Variants in SS18L1 observed in about 807,000 individuals in gnomAD.
The protein encoded by SS18L1 is SS18L1 subunit of BAF chromatin remodeling complex.
SS18L1 carries 32 observed loss-of-function variants against 70.3 expected under a neutral mutation model. That is an observed-to-expected ratio of 0.46 (90% CI 0.34 to 0.61). The LOEUF is 0.61. Among genes scored for constraint, SS18L1 ranks in the 20% least tolerant of loss-of-function variants. The pLI, the probability that SS18L1 is intolerant of heterozygous loss-of-function variation, is 0.01. For synonymous variants in SS18L1, 237 were observed against 229.7 expected (o/e 1.03, Z -0.29); for missense variants, 430 against 542.1 (o/e 0.79, Z 2.05).
At chr20:62,176,825 G>A (rs2145791941) in intron 10 of SS18L1, among the ~76,000 whole-genome samples, 1 of 152,278 alleles carries the variant, frequency 6.6e-6, no homozygotes, top group East Asian at 1.9e-4. Flanking sequence ...GAGCAATGGG[G>A]AAGATAGAGA....
At chr20:62,162,546 C>T in intron 4 of SS18L1, 1 of 538,634 alleles carries the variant, frequency 1.9e-6, no homozygotes. Flanking sequence ...TCAGGTGATC[C>T]ACCCACCTCG....
At chr20:62,163,077 G>A in intron 5 of SS18L1, 146 bp downstream of exon 5, 1 of 1,090,536 alleles carries the variant, frequency 9.2e-7, no homozygotes, top group Non-Finnish European at 1.3e-6. Flanking sequence ...GCTGGCCGCT[G>A]CCTCTGAGAG....
chr20:62,149,067 G>T (rs1212993856), intron 1 of SS18L1, among the ~76,000 whole-genome samples: 1 of 152,252 alleles, frequency 6.6e-6, no homozygotes, highest in African/African-American at 2.4e-5. Context: ...TGGGCCAGTG[G>T]GTCGGGGCCT....
chr20:62,164,109 C>T (rs201843822), intron 6 of SS18L1, 36 bp from the exon 7 acceptor site: 42 of 1,533,612 alleles, frequency 2.7e-5, no homozygotes, highest in Admixed American at 1.6e-4. Flanking sequence ...GAGGAGGGCG[C>T]GGCCCGCACT....
intron 1 of SS18L1, among the ~76,000 whole-genome samples, chr20:62,148,562 C>T (rs1456369178): frequency 1.3e-5 from 2 of 150,364 alleles, no homozygotes; most frequent in Non-Finnish European, 3.0e-5. Context: ...TCCTTGCTGT[C>T]TTAGGTGAGG....
At chr20:62,148,804 C>G (rs1164943495) in intron 1 of SS18L1, among the ~76,000 whole-genome samples, 1 of 152,254 alleles carries the variant, frequency 6.6e-6, no homozygotes, top group East Asian at 1.9e-4. Context: ...TGAAGCTGCT[C>G]TCCCAACTCC....
chr20:62,144,329 G>C (rs1408753885), intron 1 of SS18L1, among the ~76,000 whole-genome samples: 1 of 152,206 alleles, frequency 6.6e-6, no homozygotes, highest in Non-Finnish European at 1.5e-5. Context: ...GCGACGGCGG[G>C]CGGTACTCGT....
chr20:62,155,357 A>C (rs2057203890), intron 1 of SS18L1, among the ~76,000 whole-genome samples: 1 of 152,190 alleles, frequency 6.6e-6, no homozygotes, highest in Non-Finnish European at 1.5e-5. Context: ...AGGTTGCAGT[A>C]AGCCAAGATC....
At position 62,174,854 on chromosome 20, in the gene SS18L1, C is replaced by T; in HGVS notation, c.1164+210C>T. On this transcript the variant is annotated intron_variant, in intron 10 of 10. Coordinates refer to ENST00000331758, the MANE Select transcript of SS18L1 (RefSeq NM_198935.3). This position sits in a 1 kb window ranked among gnomAD's most constrained non-coding sequence, Gnocchi z 4.1. ...CAGTCATCCAGCTGGCTTTTCATAC[C>T]CTAAGCTCACCGTTAGATCTGCACG... 1 of 1,442,892 alleles carries T rather than the reference C, an allele frequency of 6.9e-7. No homozygotes were observed. 89.4% of individuals were successfully genotyped at this position (1,442,892 alleles called of 1,614,324 possible).
At chr20:62,175,952 G>A (rs984103187) in intron 10 of SS18L1, among the ~76,000 whole-genome samples, 4 of 152,222 alleles carry the variant, frequency 2.6e-5, no homozygotes, top group African/African-American at 2.4e-5. Context: ...CGCAGGGGCC[G>A]CCTCTCCCCA....
At chr20:62,151,899 GATCCCCA>G (rs2057138341) in intron 1 of SS18L1, among the ~76,000 whole-genome samples, 2 of 118,862 alleles carry the variant, frequency 1.7e-5, no homozygotes, top group Non-Finnish European at 3.4e-5. Flanking sequence ...CTCTTTTCCC[GATCCCCA>G]GAGCTGGCCT....
Position 62,174,010 on chromosome 20 carries a change from C to G in SS18L1, c.1037-507C>G, listed in dbSNP as rs1211683353. On this transcript the variant is annotated intron_variant, in intron 9 of 10. Coordinates refer to ENST00000331758, the MANE Select transcript of SS18L1 (RefSeq NM_198935.3). This position sits in a 1 kb window ranked among gnomAD's most constrained non-coding sequence, Gnocchi z 4.1. ...GCCTGGCTTGGGTGACAGAGTGACA[C>G]CCTGCCTAAAAAAAAAAAAAAAAAT... Among the ~76,000 whole-genome samples, 1 of 149,760 alleles carries G rather than the reference C, an allele frequency of 6.7e-6. No homozygotes were observed. The highest frequency in any genetic ancestry group is 1.5e-5 in the Non-Finnish European group (1 of 67,558).
At chr20:62,152,777 G>A (rs1171431777) in intron 1 of SS18L1, among the ~76,000 whole-genome samples, 2 of 152,176 alleles carry the variant, frequency 1.3e-5, no homozygotes, top group South Asian at 2.1e-4. Context: ...AGATGATACC[G>A]TGAGTAAATG....
At chr20:62,162,060 A>G (rs2057339936) in intron 4 of SS18L1, among the ~76,000 whole-genome samples, 1 of 152,186 alleles carries the variant, frequency 6.6e-6, no homozygotes, top group African/African-American at 2.4e-5. Context: ...ATCTTTACAA[A>G]AAATAAAAAT....
intron 1 of SS18L1, among the ~76,000 whole-genome samples, chr20:62,157,027 A>T (rs1196627709): frequency 6.6e-6 from 1 of 151,778 alleles, no homozygotes; most frequent in African/African-American, 2.4e-5. Flanking sequence ...GCCTCTTCTC[A>T]GTCCCCTCCC....
intron 8 of SS18L1, among the ~76,000 whole-genome samples, chr20:62,166,411 A>G (rs886130869): frequency 6.6e-6 from 1 of 152,182 alleles, no homozygotes; most frequent in African/African-American, 2.4e-5. Flanking sequence ...ACGGCTACAG[A>G]TTTCCTTGTT....
At chr20:62,150,344 C>G (rs1464234711) in intron 1 of SS18L1, among the ~76,000 whole-genome samples, 1 of 152,006 alleles carries the variant, frequency 6.6e-6, no homozygotes, top group Non-Finnish European at 1.5e-5. Context: ...TCAGCGATGT[C>G]TGCCCCGAGA....
rs2057581836 is a variant in SS18L1, at chr20:62,174,287, C to T, written c.1037-230C>T. Among the ~76,000 whole-genome samples, 1 of 151,994 alleles carries T rather than the reference C, an allele frequency of 6.6e-6. No individual in the cohort carries two copies. The highest frequency in any genetic ancestry group is 2.4e-5 in the African/African-American group (1 of 41,384). On this transcript the variant is annotated intron_variant, in intron 9 of 10. Coordinates refer to ENST00000331758, the MANE Select transcript of SS18L1 (RefSeq NM_198935.3). The surrounding 1 kb of genome is among the most constrained non-coding windows in gnomAD (Gnocchi z 4.1). ...GGCCTGGGGCACAGTCCTGGGACCT[C>T]ACAGGACTGGAGGGGCTGGTGAGTC...
At position 62,161,573 on chromosome 20, in the gene SS18L1, T is replaced by A; in HGVS notation, c.369T>A (p.Ile123=). 1 of 1,607,626 alleles carries A rather than the reference T, an allele frequency of 6.2e-7. No individual in the cohort carries two copies. The highest frequency in any genetic ancestry group is 8.5e-7 in the Non-Finnish European group (1 of 1,175,756). The change falls in exon 4 of 11, where the codon ATT becomes ATA. Residue 123 remains isoleucine, a synonymous_variant. Transcript: ENST00000331758. The surrounding 1 kb of genome is among the most constrained non-coding windows in gnomAD (Gnocchi z 4.4). Reference sequence around the variant, plus strand: ...CCTCCTCCCTCCTGCAGGGCCAGATTGGCAACGGTGAGTGCGGCGGGGGAG... The same window carrying A: ...CCTCCTCCCTCCTGCAGGGCCAGATAGGCAACGGTGAGTGCGGCGGGGGAG... ...LPPSSLLQGQ[I]GNGPSHVSMQ...
Sources: allele counts gnomAD v4.1 joint callset (sites outside exome capture counted in the v4.1 genomes callset), GRCh38; gene constraint gnomAD v4.1.1; non-coding constraint Gnocchi (gnomAD v3.1); transcripts MANE v1.5; gene names NCBI Gene and HGNC (gene_info 2026-07-23, HGNC 2026-07-21).